The following SCARA3 variants were observed in gnomAD, a reference collection of about 807,000 sequenced individuals.
The protein encoded by SCARA3 is scavenger receptor class A member 3, also known as cellular stress response gene protein.
Under a neutral mutation model 47.0 loss-of-function variants are expected in SCARA3, and 39 were observed. That is an observed-to-expected ratio of 0.83 (90% CI 0.64 to 1.08). SCARA3 has a LOEUF of 1.08. SCARA3 is among the 50% of genes least tolerant of loss of function. The probability of loss-of-function intolerance (pLI) is 0.00; values close to 1 mark genes in which losing one functional copy is unlikely to be tolerated. For missense variants in SCARA3, 724 were observed against 792.3 expected (o/e 0.91, Z 1.04); for synonymous variants, 356 against 334.1 (o/e 1.07, Z -0.71).
chr8:27,680,194 C>A (rs1802337084), downstream of SCARA3, among the ~76,000 whole-genome samples: 1 of 150,868 alleles, frequency 6.6e-6, no homozygotes, highest in Admixed American at 6.6e-5. Context: ...AAATTTAAAC[C>A]CAAAATAAAT....
At chr8:27,724,430 G>A in the SCARA3 span, among the ~76,000 whole-genome samples, 8 of 152,142 alleles carry the variant, frequency 5.3e-5, no homozygotes, top group South Asian at 2.1e-4. Context: ...TTGGGAGGCC[G>A]AGGCGGGCAG....
Position 27,643,446 on chromosome 8 carries a change from A to G in SCARA3, c.8-6256A>G, listed in dbSNP as rs543265082. Among the ~76,000 whole-genome samples the G allele has an allele frequency of 3.5e-4, 54 of 152,256 alleles. No individual in the cohort carries two copies. In the South Asian group the frequency reaches 9.3e-3, roughly 26 times the overall value. The stretch of plus-strand genomic sequence containing the variant: ...AGAGCCACGGAAGCAGAAAAGGACA[A>G]CTTGTTGAGCAAGAAGATTTGAAGG... On this transcript the variant is annotated intron_variant, in intron 1 of 5. Transcript: ENST00000301904.
At chr8:27,636,203 C>A (rs533472250) in intron 1 of SCARA3, among the ~76,000 whole-genome samples, 1 of 152,188 alleles carries the variant, frequency 6.6e-6, no homozygotes, top group Non-Finnish European at 1.5e-5. Context: ...ACATCTTACA[C>A]GGGGCCACAC....
chr8:27,729,727 G>C, the SCARA3 span, among the ~76,000 whole-genome samples: 2 of 152,128 alleles, frequency 1.3e-5, no homozygotes, highest in Non-Finnish European at 2.9e-5. Flanking sequence ...GGAGGCGAAA[G>C]TTACAGTGAG....
At chr8:27,642,954 A>G (rs1054021080) in intron 1 of SCARA3, among the ~76,000 whole-genome samples, 2 of 152,046 alleles carry the variant, frequency 1.3e-5, no homozygotes, top group Non-Finnish European at 2.9e-5. Flanking sequence ...GTGTGTAAGT[A>G]ATGGGGGGAG....
At chr8:27,688,154 C>T in the SCARA3 span, among the ~76,000 whole-genome samples, 251 of 152,218 alleles carry the variant, frequency 1.6e-3, no homozygotes, top group Middle Eastern at 3.4e-3. Flanking sequence ...TATTAAATGT[C>T]TCCTGCATTT....
At chr8:27,719,014 A>G in the SCARA3 span, among the ~76,000 whole-genome samples, 364 of 152,326 alleles carry the variant, frequency 2.4e-3, 1 homozygote, top group African/African-American at 8.3e-3. Flanking sequence ...CAATGCAAAA[A>G]CAAGCTACTC....
chr8:27,671,031 C>A lies in SCARA3; in HGVS notation c.1501C>A (p.Pro501Thr), dbSNP rs371513972. The A allele has an allele frequency of 2.7e-5, 44 of 1,612,000 alleles. No individual in the cohort carries two copies. In the African/African-American group the frequency reaches 4.0e-4, roughly 15 times the overall value. Residue 501 changes from proline (P) to threonine (T), a missense_variant, in exon 6 of 6, where the codon CCT (proline) becomes ACT (threonine). By Grantham distance (38) the Pro-to-Thr change is conservative (BLOSUM62 -1). Coordinates refer to ENST00000301904, the MANE Select transcript of SCARA3 (RefSeq NM_016240.3). ...PLGPQGPQGQ[P>T]GEAGPVGERG... ...GGGACCCCAGGGTCCTCAGGGGCAA[C>A]CTGGAGAGGCCGGGCCTGTGGGAGA...
chr8:27,646,315 T>C (rs1801492022), intron 1 of SCARA3, among the ~76,000 whole-genome samples: 1 of 152,242 alleles, frequency 6.6e-6, no homozygotes, highest in South Asian at 2.1e-4. Flanking sequence ...GTTAGCAATT[T>C]CCACTGGCTA....
chr8:27,652,201 G>T (rs568076834), intron 3 of SCARA3, among the ~76,000 whole-genome samples: 2 of 152,200 alleles, frequency 1.3e-5, no homozygotes, highest in Middle Eastern at 3.2e-3. Context: ...CTGCAGGTGA[G>T]ACCCAGGGAT....
At chr8:27,664,188 T>C (rs1036685163) in intron 5 of SCARA3, among the ~76,000 whole-genome samples, 1 of 152,240 alleles carries the variant, frequency 6.6e-6, no homozygotes, top group Non-Finnish European at 1.5e-5. Context: ...AATACGTATG[T>C]GCACGACCTC....
At chr8:27,657,347 C>T (rs1038519746) in intron 4 of SCARA3, among the ~76,000 whole-genome samples, 2 of 150,778 alleles carry the variant, frequency 1.3e-5, no homozygotes, top group African/African-American at 4.9e-5. Flanking sequence ...GATTAAGGGA[C>T]ACATGTGCAG....
At chr8:27,645,253 A>G (rs568729651) in intron 1 of SCARA3, among the ~76,000 whole-genome samples, 23 of 152,378 alleles carry the variant, frequency 1.5e-4, no homozygotes, top group African/African-American at 5.5e-4. Flanking sequence ...TTTTAAATAC[A>G]CATGAGCTCC....
intron 5 of SCARA3, among the ~76,000 whole-genome samples, chr8:27,665,067 A>G (rs1289814111): frequency 6.6e-6 from 1 of 152,202 alleles, no homozygotes; most frequent in African/African-American, 2.4e-5. Context: ...TGCGGTCTCC[A>G]CGTGGCCGGA....
chr8:27,647,964 C>A (rs1438308226), intron 1 of SCARA3, among the ~76,000 whole-genome samples: 4 of 152,178 alleles, frequency 2.6e-5, no homozygotes, highest in Non-Finnish European at 5.9e-5. Context: ...GTCTAGGATG[C>A]GGCTCAAGAT....
chr8:27,720,320 G>A, the SCARA3 span, among the ~76,000 whole-genome samples: 4 of 150,566 alleles, frequency 2.7e-5, no homozygotes, highest in Admixed American at 2.7e-4. Flanking sequence ...ACTCTGGCAG[G>A]AGTCTTTCTT....
downstream of SCARA3, chr8:27,676,921 T>A (rs1802286461): frequency 5.4e-6 from 1 of 184,516 alleles, no homozygotes; most frequent in African/African-American, 2.4e-5. Context: ...ATCCACGTGA[T>A]TTTACCCAGA....
chr8:27,698,974 G>A, the SCARA3 span, among the ~76,000 whole-genome samples: 4 of 152,124 alleles, frequency 2.6e-5, no homozygotes, highest in African/African-American at 9.7e-5. Flanking sequence ...GCTGGGCACA[G>A]TGGCTCACGC....
chr8:27,714,096 C>G, the SCARA3 span, among the ~76,000 whole-genome samples: 1 of 151,984 alleles, frequency 6.6e-6, no homozygotes, highest in Non-Finnish European at 1.5e-5. Context: ...GCCTCCTCCC[C>G]AGAAGGAGAT....
Sources: gnomAD v4.1 joint callset for allele counts (sites outside exome capture counted in the v4.1 genomes callset) on GRCh38, gnomAD v4.1.1 for gene constraint, MANE v1.5 for transcripts, NCBI Gene and HGNC (gene_info 2026-07-23, HGNC 2026-07-21) for gene names.